ADGRV1: variants seen among roughly 807,000 people sequenced by gnomAD.
ADGRV1 encodes G-protein coupled receptor 98.
Under a neutral mutation model 596.2 loss-of-function variants are expected in ADGRV1, and 359 were observed. The observed-to-expected ratio is 0.60, with a 90% CI of 0.55 to 0.66. The LOEUF (loss-of-function observed/expected upper bound fraction) is 0.66, where lower values mean the gene tolerates loss of function less well. Ranked by LOEUF, ADGRV1 falls within the 30% of genes least tolerant of loss-of-function variation. The probability of loss-of-function intolerance (pLI) is 0.00; values close to 1 mark genes in which losing one functional copy is unlikely to be tolerated. For synonymous variants in ADGRV1, 2,681 were observed against 2,679.2 expected (o/e 1.00, Z -0.02); for missense variants, 7,274 against 7,575.6 (o/e 0.96, Z 1.48).
At chr5:91,128,768 T>G (rs1035102052) in intron 87 of ADGRV1, among the ~76,000 whole-genome samples, 2 of 152,216 alleles carry the variant, frequency 1.3e-5, no homozygotes, top group African/African-American at 4.8e-5. Context: ...TGGTCTATCC[T>G]GTGTTCCCAA....
intron 70 of ADGRV1, among the ~76,000 whole-genome samples, chr5:90,802,442 G>A (rs1761474271): frequency 6.6e-6 from 1 of 151,866 alleles, no homozygotes; most frequent in Non-Finnish European, 1.5e-5. Flanking sequence ...TGTTGGCCAC[G>A]CTGGTCTTGA....
At chr5:90,659,299 C>T (rs1327042422) in intron 21 of ADGRV1, among the ~76,000 whole-genome samples, 1 of 152,158 alleles carries the variant, frequency 6.6e-6, no homozygotes, top group African/African-American at 2.4e-5. Flanking sequence ...AGAACTTCTA[C>T]ATATTACATT....
chr5:90,685,230 G>GATTCAAA (rs1745449938), intron 28 of ADGRV1, among the ~76,000 whole-genome samples: 2 of 152,038 alleles, frequency 1.3e-5, no homozygotes, highest in African/African-American at 4.8e-5. Context: ...TTTGAATCCC[G>GATTCAAA]AATGTCTAGA....
chr5:91,082,559 C>A (rs892026341), intron 86 of ADGRV1, among the ~76,000 whole-genome samples: 10 of 152,238 alleles, frequency 6.6e-5, no homozygotes, highest in African/African-American at 1.9e-4. Context: ...TGACCGAAGT[C>A]TTCCATTCTA....
intron 86 of ADGRV1, among the ~76,000 whole-genome samples, chr5:91,075,636 AT>A (rs2126458484): frequency 6.6e-6 from 1 of 152,268 alleles, no homozygotes; most frequent in African/African-American, 2.4e-5. Flanking sequence ...TCCCATGGCA[AT>A]TTATTCTAAT....
At chr5:90,603,048 A>G (rs1259332884) in intron 1 of ADGRV1, among the ~76,000 whole-genome samples, 1 of 152,172 alleles carries the variant, frequency 6.6e-6, no homozygotes, top group East Asian at 1.9e-4. Flanking sequence ...TTTTTTTCTA[A>G]CCATGAAAAG....
In ADGRV1 at chr5:90,694,245, G is replaced by A. The variant is rs1221101459; in HGVS notation, c.7489G>A (p.Ala2497Thr). ...TRVASLFSGQ[A>T]VAGSDYEPVT... ...GGTAGCATCTCTTTTTAGTGGTCAG[G>A]CTGTGGCTGGGAGTGACTATGAGCC... Residue 2497 changes from alanine (A) to threonine (T), a missense_variant, in exon 33 of 90, where the codon GCT (alanine) becomes ACT (threonine). Physicochemically the swap from Ala to Thr is moderately conservative, Grantham distance 58. Around this residue, in one of 5 missense-constraint regions of ADGRV1, gnomAD observed 3,643 missense variants for 3,809.2 expected, o/e 0.96. Coordinates refer to ENST00000405460, the MANE Select transcript of ADGRV1 (RefSeq NM_032119.4). The A allele has an allele frequency of 6.2e-7, 1 of 1,613,940 alleles. No homozygotes were observed. The highest frequency in any genetic ancestry group is 1.1e-5 in the South Asian group (1 of 91,082).
Position 91,150,119 on chromosome 5 carries a change from T to C in ADGRV1, c.18522T>C (p.His6174=). The C allele has an allele frequency of 6.3e-7, 1 of 1,586,382 alleles. No homozygotes were observed. The highest frequency in any genetic ancestry group is 1.3e-5 in the African/African-American group (1 of 74,308). ...KASYTVEMNG[H]PGPSTAFFTP... Reference sequence around the variant, plus strand: ...GTTACACTGTGGAAATGAATGGGCATCCTGGACCCAGCACAGCCTTTTTCA... The same window carrying C: ...GTTACACTGTGGAAATGAATGGGCACCCTGGACCCAGCACAGCCTTTTTCA... The change falls in exon 88 of 90, where the codon CAT becomes CAC. Residue 6174 remains histidine, a synonymous_variant. Transcript: ENST00000405460.
intron 85 of ADGRV1, among the ~76,000 whole-genome samples, chr5:91,027,336 G>A (rs768695350): frequency 6.6e-6 from 1 of 152,120 alleles, no homozygotes; most frequent in South Asian, 2.1e-4. Context: ...TTAAAAACTT[G>A]TAGATTAAAT....
Position 90,937,708 on chromosome 5 carries a change from T to C in ADGRV1, c.17857-27707T>C, listed in dbSNP as rs1183539861. On this transcript the variant is annotated intron_variant, in intron 83 of 89. Transcript: ENST00000405460. Reference sequence around the variant, plus strand: ...TTCTGACCCCATGATCCGCCCGCCTTGGCCTCCCAAAGTGGCGGGATTACA... The same window carrying C: ...TTCTGACCCCATGATCCGCCCGCCTCGGCCTCCCAAAGTGGCGGGATTACA... 5.3e-5 allele frequency among the ~76,000 whole-genome samples: 8 copies of C among 152,174 alleles called. No individual in the cohort carries two copies. In the East Asian group the frequency reaches 9.6e-4, roughly 18 times the overall value.
chr5:90,773,616 A>T (rs116233479), intron 59 of ADGRV1, among the ~76,000 whole-genome samples: 1,777 of 152,330 alleles, frequency 0.012, 35 homozygotes, highest in African/African-American at 0.041. Context: ...AAACATGCAT[A>T]TAAAAGACCA....
chr5:90,566,824 G>T (rs1158304267), intron 1 of ADGRV1, among the ~76,000 whole-genome samples: 4 of 151,444 alleles, frequency 2.6e-5, no homozygotes, highest in South Asian at 4.2e-4. Context: ...TTGCCTAATT[G>T]TCCTGCCTAG....
At chr5:91,133,025 A>G (rs1191529353) in intron 87 of ADGRV1, among the ~76,000 whole-genome samples, 1 of 152,160 alleles carries the variant, frequency 6.6e-6, no homozygotes, top group Non-Finnish European at 1.5e-5. Flanking sequence ...ATGGAGAATT[A>G]TTATAGGAGA....
Position 90,720,133 on chromosome 5 carries a change from C to CTAGA in ADGRV1, c.9534_9537dup (p.Leu3180Ter). On this transcript the variant is annotated frameshift_variant, in exon 44 of 90. Coordinates refer to ENST00000405460, the MANE Select transcript of ADGRV1 (RefSeq NM_032119.4). LOFTEE classifies it high-confidence loss of function. ...ACCTTGTTTAATCCAACTGGAGGTG[C>CTAGA]TAGACTAGGGGTGCATGTTCAAACC... 1 of 1,613,550 alleles carries CTAGA rather than the reference C, an allele frequency of 6.2e-7. No homozygotes were observed. Among genetic ancestry groups the CTAGA allele is most frequent in the South Asian group, 1.1e-5 (1 of 91,038 alleles).
chr5:91,016,404 A>G (rs1783175138), intron 85 of ADGRV1, among the ~76,000 whole-genome samples: 1 of 151,976 alleles, frequency 6.6e-6, no homozygotes, highest in Non-Finnish European at 1.5e-5. Flanking sequence ...AATGCAGAGA[A>G]AAATTACTTG....
intron 1 of ADGRV1, among the ~76,000 whole-genome samples, chr5:90,604,291 T>A (rs781319274): frequency 2.6e-5 from 4 of 152,192 alleles, no homozygotes; most frequent in Non-Finnish European, 5.9e-5. Flanking sequence ...AATTCCCTCT[T>A]TTGCTTTCTT....
intron 1 of ADGRV1, among the ~76,000 whole-genome samples, chr5:90,612,317 T>C (rs1468684526): frequency 6.6e-6 from 1 of 152,094 alleles, no homozygotes; most frequent in Non-Finnish European, 1.5e-5. Context: ...TTCATAATTA[T>C]GCAATCTTAT....
intron 85 of ADGRV1, among the ~76,000 whole-genome samples, chr5:91,018,447 G>A (rs1053585301): frequency 5.9e-5 from 9 of 152,096 alleles, no homozygotes; most frequent in Admixed American, 2.6e-4. Flanking sequence ...CAAGAGAAGT[G>A]TTGAAAGAAA....
chr5:90,659,678 T>C (rs1769952867), intron 21 of ADGRV1, among the ~76,000 whole-genome samples: 1 of 152,000 alleles, frequency 6.6e-6, no homozygotes, highest in Non-Finnish European at 1.5e-5. Flanking sequence ...CCTCTTCCTT[T>C]TTCTGTTACA....
Sources: allele counts gnomAD v4.1 joint callset (sites outside exome capture counted in the v4.1 genomes callset), GRCh38; gene constraint gnomAD v4.1.1; regional missense constraint gnomAD v4.1.1; transcripts MANE v1.5; gene names NCBI Gene and HGNC (gene_info 2026-07-23, HGNC 2026-07-21).